FOXJ2: variants seen among roughly 807,000 people sequenced by gnomAD.
The protein encoded by FOXJ2 is forkhead box J2, also known as forkhead box protein J2.
A neutral mutation model predicts 68.4 loss-of-function variants in FOXJ2; 18 were observed. The observed-to-expected ratio is 0.26, with a 90% CI of 0.18 to 0.39. FOXJ2 has a LOEUF of 0.39. FOXJ2 is among the 10% of genes least tolerant of loss of function. FOXJ2 has a pLI of 1.00. For synonymous variants in FOXJ2, 274 were observed against 263.2 expected (o/e 1.04, Z -0.40); for missense variants, 670 against 726.5 (o/e 0.92, Z 0.89).
At position 8,032,942 on chromosome 12, in the gene FOXJ2, G is replaced by A; in HGVS notation, c.-906G>A. On this transcript the variant is annotated 5_prime_UTR_variant, in exon 1 of 11. Transcript: ENST00000162391. This position sits in a 1 kb window ranked among gnomAD's most constrained non-coding sequence, Gnocchi z 4.8. ...CGGCCTCCCGGACCGTGCTGCCCAG[G>A]CCAGCTCAGGGACAGCCGGGAGTAC... The A allele has an allele frequency of 2.5e-6, 1 of 397,276 alleles. No homozygotes were observed. The highest frequency in any genetic ancestry group is 4.4e-6 in the Non-Finnish European group (1 of 225,336). The allele number at this position is 397,276 out of a possible 1,614,324, so 24.6% of individuals were successfully genotyped here.
At chr12:8,045,476 A>G (rs1040696620) in intron 6 of FOXJ2, among the ~76,000 whole-genome samples, 5 of 152,044 alleles carry the variant, frequency 3.3e-5, no homozygotes, top group African/African-American at 1.2e-4. Flanking sequence ...TTGGCCACCC[A>G]AAGTGTTGGA....
At position 8,038,655 on chromosome 12, in the gene FOXJ2, C is replaced by T. The variant is rs995654139; in HGVS notation, c.-14-1164C>T. ...ATGGCTACCTAGGGGTTCCTGCCAG[C>T]CTTTCTAGACCCTGCAATACAGATA... is the stretch of plus-strand genomic sequence containing the variant. On this transcript the variant is annotated intron_variant, in intron 1 of 10. Transcript: ENST00000162391. The surrounding 1 kb of genome is among the most constrained non-coding windows in gnomAD (Gnocchi z 5.3). Among the ~76,000 whole-genome samples the T allele has an allele frequency of 6.6e-6, 1 of 152,146 alleles. No individual in the cohort carries two copies. The highest frequency in any genetic ancestry group is 6.5e-5 in the Admixed American group (1 of 15,280).
intron 10 of FOXJ2, among the ~76,000 whole-genome samples, chr12:8,051,135 T>TCCCTTCCCC (rs376171537): frequency 1.0e-4 from 13 of 130,620 alleles, no homozygotes; most frequent in African/African-American, 1.4e-4. Context: ...TCCCTTCCCC[T>TCCCTTCCCC]TTTCTTTTCT....
chr12:8,052,047 T>C (rs1281720254), intron 10 of FOXJ2, among the ~76,000 whole-genome samples: 1 of 151,912 alleles, frequency 6.6e-6, no homozygotes, highest in Admixed American at 6.6e-5. Context: ...TTTTATTTTT[T>C]AGTAGAGACA....
At chr12:8,041,347 G>A (rs1228235547) in intron 2 of FOXJ2, among the ~76,000 whole-genome samples, 2 of 150,936 alleles carry the variant, frequency 1.3e-5, no homozygotes, top group Non-Finnish European at 3.0e-5. Context: ...GATTACAGGC[G>A]CCTGCCACTG....
intron 6 of FOXJ2, among the ~76,000 whole-genome samples, chr12:8,046,680 T>C (rs762650050): frequency 6.6e-6 from 1 of 152,354 alleles, no homozygotes; most frequent in East Asian, 1.9e-4. Context: ...GTTCGTTTTT[T>C]AAATAACTTA....
In FOXJ2 at chr12:8,053,241, T is replaced by G. The variant is rs894553884; in HGVS notation, c.*391T>G. 2.6e-5 allele frequency: 4 copies of G among 152,762 alleles called. No homozygotes were observed. Among genetic ancestry groups the G allele is most frequent in the Admixed American group, 6.5e-5 (1 of 15,300 alleles). The allele number at this position is 152,762 out of a possible 1,614,324, so 9.5% of individuals were successfully genotyped here. ...TTTAGACTCCAGTTTACCTTTCTCT[T>G]GGAGAAACTCAATGCTAATCCCACC... On this transcript the variant is annotated 3_prime_UTR_variant, in exon 11 of 11. Coordinates refer to ENST00000162391, the MANE Select transcript of FOXJ2 (RefSeq NM_018416.3). This position sits in a 1 kb window ranked among gnomAD's most constrained non-coding sequence, Gnocchi z 4.1.
At chr12:8,052,225 A>ATTT (rs111837642) in intron 10 of FOXJ2, among the ~76,000 whole-genome samples, 2 of 133,856 alleles carry the variant, frequency 1.5e-5, no homozygotes, top group Non-Finnish European at 3.3e-5. Flanking sequence ...CAGAAGTACA[A>ATTT]TTTTTTTTTT....
At chr12:8,048,541 G>A (rs1947071826) in intron 7 of FOXJ2, among the ~76,000 whole-genome samples, 156 bp from the exon 8 acceptor site, 1 of 152,244 alleles carries the variant, frequency 6.6e-6, no homozygotes. Flanking sequence ...AGCTTTTCCA[G>A]TCCTAAACTC....
At position 8,052,929 on chromosome 12, in the gene FOXJ2, C is replaced by A; in HGVS notation, c.*79C>A. 9.2e-7 allele frequency: 1 copy of A among 1,087,982 alleles called. No homozygotes were observed. The allele number at this position is 1,087,982 out of a possible 1,614,324, so 67.4% of individuals were successfully genotyped here. On this transcript the variant is annotated 3_prime_UTR_variant, in exon 11 of 11. Coordinates refer to ENST00000162391, the MANE Select transcript of FOXJ2 (RefSeq NM_018416.3). ...GGGGAAAGAGCAACCCCAGCCCGTC[C>A]CTTCCCCCCGTCTGTATATAGACAT...
rs1450534517 is a variant in FOXJ2 at position 8,054,745 on chromosome 12, G to T, written c.*1895G>T. 1 of 152,290 alleles carries T rather than the reference G, an allele frequency of 6.6e-6. No individual in the cohort carries two copies. The highest frequency in any genetic ancestry group is 1.5e-5 in the Non-Finnish European group (1 of 68,048). 9.4% of individuals were successfully genotyped at this position (152,290 alleles called of 1,614,324 possible). A position where few individuals can be genotyped will look rare whatever the true frequency, so the allele number is the denominator to read the frequency against. On this transcript the variant is annotated 3_prime_UTR_variant, in exon 11 of 11. Transcript: ENST00000162391. ...GGGGAAAGGAGAATTTCTCTTAGAG[G>T]GTGGCAAAATGCCTTTGCCCAGTGT...
In FOXJ2 at chr12:8,044,110, A is replaced by C. The variant is rs1318271770; in HGVS notation, c.618+19A>C. On this transcript the variant is annotated intron_variant, in intron 5 of 10. Coordinates refer to ENST00000162391, the MANE Select transcript of FOXJ2 (RefSeq NM_018416.3). ...CAGCCAGGTAGGAAGCAGATATGGCAGGGGTCATGGGATGGGTGGTGAATA... is the reference window on the plus strand; with the variant it reads ...CAGCCAGGTAGGAAGCAGATATGGCCGGGGTCATGGGATGGGTGGTGAATA... The C allele has an allele frequency of 6.6e-7, 1 of 1,514,690 alleles. No homozygotes were observed. The highest frequency in any genetic ancestry group is 8.8e-7 in the Non-Finnish European group (1 of 1,133,876). The allele number at this position is 1,514,690 out of a possible 1,614,324, so 93.8% of individuals were successfully genotyped here.
intron 2 of FOXJ2, among the ~76,000 whole-genome samples, chr12:8,041,626 T>G (rs948135384): frequency 1.3e-5 from 2 of 151,828 alleles, no homozygotes; most frequent in African/African-American, 4.8e-5. Context: ...TCCTTCCACC[T>G]AAGCCTCCTG....
intron 1 of FOXJ2, among the ~76,000 whole-genome samples, chr12:8,036,428 C>T (rs1331407156): frequency 1.1e-4 from 16 of 152,146 alleles, no homozygotes; most frequent in African/African-American, 2.9e-4. Context: ...CTTCATTAGA[C>T]GTCGTGTGGA....
chr12:8,037,145 G>A (rs950298534), intron 1 of FOXJ2, among the ~76,000 whole-genome samples: 3 of 152,144 alleles, frequency 2.0e-5, no homozygotes, highest in Non-Finnish European at 4.4e-5. Flanking sequence ...GAGAGGCACG[G>A]ATGGTTAGGG....
chr12:8,049,223 A>G (rs1293799292), intron 8 of FOXJ2, 139 bp from the exon 9 acceptor site: 4 of 680,104 alleles, frequency 5.9e-6, no homozygotes, highest in Non-Finnish European at 1.0e-5. Flanking sequence ...CAGAGCTCTG[A>G]AAGATATAAA....
chr12:8,035,034 C>G lies in FOXJ2; in HGVS notation c.-15+1201C>G, dbSNP rs1023699006. On this transcript the variant is annotated intron_variant, in intron 1 of 10. Coordinates refer to ENST00000162391, the MANE Select transcript of FOXJ2 (RefSeq NM_018416.3). This position sits in a 1 kb window ranked among gnomAD's most constrained non-coding sequence, Gnocchi z 4.0. ...CTTGGCCTTTCATATTTCCTCCTCT[C>G]TCTGGGGCATGGGTGAGGTCTACCT... Among the ~76,000 whole-genome samples, 5 of 152,204 alleles carry G rather than the reference C, an allele frequency of 3.3e-5. No homozygotes were observed. Among genetic ancestry groups the G allele is most frequent in the Non-Finnish European group, 5.9e-5 (4 of 68,040 alleles).
intron 10 of FOXJ2, among the ~76,000 whole-genome samples, chr12:8,051,124 T>TTCCCTTCCCC (rs149920473): frequency 0.67 from 77,731 of 116,790 alleles, 26,725 homozygotes; most frequent in Non-Finnish European, 0.72. Flanking sequence ...TCCCTTCCCT[T>TTCCCTTCCCC]TCCCTTCCCC....
At chr12:8,042,410 A>G (rs1404272833) in intron 2 of FOXJ2, among the ~76,000 whole-genome samples, 1 of 152,218 alleles carries the variant, frequency 6.6e-6, no homozygotes, top group Non-Finnish European at 1.5e-5. Context: ...CAGTTTTTTC[A>G]GAAGCATTAG....
Sources: allele counts gnomAD v4.1 joint callset (sites outside exome capture counted in the v4.1 genomes callset), GRCh38; gene constraint gnomAD v4.1.1; non-coding constraint Gnocchi (gnomAD v3.1); transcripts MANE v1.5; gene names NCBI Gene and HGNC (gene_info 2026-07-23, HGNC 2026-07-21).